Variants in PCDH15 observed in about 807,000 individuals in gnomAD.
PCDH15 encodes the protein protocadherin-15.
Under a neutral mutation model 178.5 loss-of-function variants are expected in PCDH15, and 129 were observed. That is an observed-to-expected ratio of 0.72 (90% CI 0.63 to 0.84). PCDH15 has a LOEUF of 0.84. Among genes scored for constraint, PCDH15 ranks in the 40% least tolerant of loss-of-function variants. PCDH15 has a pLI of 0.00. For missense variants in PCDH15, 2,230 were observed against 2,099.9 expected, an observed-to-expected ratio of 1.06 and a Z score of -1.21; for synonymous variants, 800 against 732.0, an observed-to-expected ratio of 1.09 and a Z score of -1.50.
chr10:55,037,509 G>T (rs979673091), intron 2 of PCDH15, among the ~76,000 whole-genome samples: 1 of 152,152 alleles, frequency 6.6e-6, no homozygotes, highest in Non-Finnish European at 1.5e-5. Flanking sequence ...TGAGATTACA[G>T]GCGTGAGCCA....
In PCDH15 at chr10:53,848,970, T is replaced by C. The variant is rs538225393; in HGVS notation, c.3806+8205A>G. Among the ~76,000 whole-genome samples, 143 of 152,248 alleles carry C rather than the reference T, an allele frequency of 9.4e-4. 1 individual carries two copies. In the Middle Eastern group the frequency reaches 0.01, roughly 11 times the overall value. On this transcript the variant is annotated intron_variant, in intron 28 of 37. Coordinates refer to ENST00000644397, the MANE Select transcript of PCDH15 (RefSeq NM_001384140.1). The stretch of plus-strand genomic sequence containing the variant: ...TTGATCTTCCAATAAAATATATTTT[T>C]AATCTGGGAAGATCTCATTTATCTC...
chr10:54,707,474 C>T (rs2095377084), intron 1 of PCDH15, among the ~76,000 whole-genome samples: 1 of 152,100 alleles, frequency 6.6e-6, no homozygotes, highest in Admixed American at 6.6e-5. Context: ...TTTGCAACAG[C>T]TACCAAGACT....
intron 2 of PCDH15, among the ~76,000 whole-genome samples, chr10:55,018,180 T>C (rs1471434740): frequency 6.6e-6 from 1 of 152,066 alleles, no homozygotes; most frequent in Non-Finnish European, 1.5e-5. Flanking sequence ...TTAAGATTAA[T>C]TTTGCATTGC....
At chr10:55,497,451 A>G (rs1162337018) in intron 2 of PCDH15, among the ~76,000 whole-genome samples, 1 of 151,630 alleles carries the variant, frequency 6.6e-6, no homozygotes, top group African/African-American at 2.4e-5. Context: ...CTTTTTAAAA[A>G]CCTTTGATTT....
At chr10:54,312,327 T>A (rs556504326) in intron 8 of PCDH15, among the ~76,000 whole-genome samples, 1 of 152,184 alleles carries the variant, frequency 6.6e-6, no homozygotes, top group South Asian at 2.1e-4. Context: ...TACATAACAA[T>A]GTACATAAAA....
At chr10:55,017,218 T>C (rs1019896792) in intron 2 of PCDH15, among the ~76,000 whole-genome samples, 5 of 152,110 alleles carry the variant, frequency 3.3e-5, no homozygotes, top group African/African-American at 1.2e-4. Flanking sequence ...AAGGGGCAAA[T>C]AGAACACCTC....
chr10:55,413,753 C>A (rs1205651480), intron 2 of PCDH15, among the ~76,000 whole-genome samples: 1 of 151,542 alleles, frequency 6.6e-6, no homozygotes, highest in Non-Finnish European at 1.5e-5. Flanking sequence ...TCTTAACACA[C>A]TTTTTAATCT....
intron 1 of PCDH15, among the ~76,000 whole-genome samples, chr10:54,733,672 G>T (rs1030542507): frequency 6.6e-6 from 1 of 151,498 alleles, no homozygotes; most frequent in Admixed American, 6.6e-5. Flanking sequence ...TTTATTTCAA[G>T]ATCTCCCACT....
At chr10:54,568,299 A>C (rs1258328436) in intron 2 of PCDH15, among the ~76,000 whole-genome samples, 1 of 151,862 alleles carries the variant, frequency 6.6e-6, no homozygotes, top group African/African-American at 2.4e-5. Flanking sequence ...GCACTGCATC[A>C]CTTTCTCCAA....
chr10:53,843,744 A>T (rs1362913003), intron 28 of PCDH15, among the ~76,000 whole-genome samples: 1 of 152,122 alleles, frequency 6.6e-6, no homozygotes, highest in Non-Finnish European at 1.5e-5. Flanking sequence ...AATGAAAAAA[A>T]TTAAATTGGA....
At chr10:54,154,177 A>C (rs1030145895) in intron 13 of PCDH15, among the ~76,000 whole-genome samples, 5 of 152,210 alleles carry the variant, frequency 3.3e-5, no homozygotes, top group African/African-American at 1.2e-4. Context: ...GCTGATAAAT[A>C]TAAATTAAAG....
chr10:54,869,728 T>A (rs1191566436), intron 3 of PCDH15, among the ~76,000 whole-genome samples: 2 of 152,214 alleles, frequency 1.3e-5, no homozygotes, highest in African/African-American at 2.4e-5. Flanking sequence ...TCTATATATG[T>A]ATTCAAAAGA....
chr10:55,145,531 G>C (rs546936361), intron 2 of PCDH15, among the ~76,000 whole-genome samples: 16 of 151,894 alleles, frequency 1.1e-4, no homozygotes, highest in Non-Finnish European at 2.1e-4. Context: ...ACCCATAATT[G>C]TAGGAGCTAT....
chr10:54,726,917 G>A (rs1942625946), intron 1 of PCDH15, among the ~76,000 whole-genome samples: 2 of 151,080 alleles, frequency 1.3e-5, no homozygotes, highest in African/African-American at 2.4e-5. Flanking sequence ...TATGTAATGA[G>A]ACCAAACCTG....
At chr10:54,837,183 T>C (rs187741017) in intron 3 of PCDH15, among the ~76,000 whole-genome samples, 6 of 152,078 alleles carry the variant, frequency 3.9e-5, no homozygotes, top group Admixed American at 3.3e-4. Flanking sequence ...AAAGTTAGAA[T>C]CAAAACTAAA....
At chr10:54,571,463 G>A (rs10825361) in intron 2 of PCDH15, among the ~76,000 whole-genome samples, 142,442 of 152,064 alleles carry the variant, frequency 0.94, 66,979 homozygotes, top group Middle Eastern at 0.98. Context: ...TAGAAGCAAT[G>A]CAGAAAATTA....
At chr10:54,181,792 G>A (rs974699876) in intron 13 of PCDH15, among the ~76,000 whole-genome samples, 3 of 152,042 alleles carry the variant, frequency 2.0e-5, no homozygotes, top group Non-Finnish European at 2.9e-5. Flanking sequence ...CAAATACACA[G>A]CAGAAGCTAT....
At chr10:54,601,110 A>T (rs1292384172) in intron 2 of PCDH15, among the ~76,000 whole-genome samples, 3 of 152,186 alleles carry the variant, frequency 2.0e-5, no homozygotes, top group Middle Eastern at 3.4e-3. Context: ...ACAGTTTGCA[A>T]TCTTATGTTG....
At chr10:55,107,893 G>T (rs904123614) in intron 2 of PCDH15, among the ~76,000 whole-genome samples, 3 of 152,028 alleles carry the variant, frequency 2.0e-5, no homozygotes, top group Non-Finnish European at 4.4e-5. Context: ...ATATACTTCT[G>T]TTATAGACTG....
Sources: allele counts gnomAD v4.1 joint callset (sites outside exome capture counted in the v4.1 genomes callset), GRCh38; gene constraint gnomAD v4.1.1; transcripts MANE v1.5; gene names NCBI Gene and HGNC (gene_info 2026-07-23, HGNC 2026-07-21).